The following CNTN5 variants were observed in gnomAD, a reference collection of about 807,000 sequenced individuals.
CNTN5 encodes contactin 5.
CNTN5 carries 77 observed loss-of-function variants against 129.1 expected under a neutral mutation model. The observed-to-expected ratio is 0.60, with a 90% CI of 0.50 to 0.72. The LOEUF (loss-of-function observed/expected upper bound fraction) is 0.72. CNTN5 is among the 30% of genes least tolerant of loss of function. The pLI, the probability that CNTN5 is intolerant of heterozygous loss-of-function variation, is 0.00. For synonymous variants in CNTN5, 509 were observed against 465.6 expected (o/e 1.09, Z -1.20); for missense variants, 1,478 against 1,328.8 (o/e 1.11, Z -1.75).
chr11:99,232,232 A>G (rs1016427318), intron 1 of CNTN5, among the ~76,000 whole-genome samples: 2 of 152,094 alleles, frequency 1.3e-5, no homozygotes, highest in Middle Eastern at 3.2e-3. Flanking sequence ...TCTATAAATT[A>G]TTTTGGGCTG....
chr11:99,546,190 A>G (rs1225979554), intron 2 of CNTN5, among the ~76,000 whole-genome samples: 1 of 152,102 alleles, frequency 6.6e-6, no homozygotes, highest in Admixed American at 6.6e-5. Context: ...CTGTCAATGG[A>G]AGCTTGATAA....
At chr11:99,873,498 A>G (rs1198607807) in intron 6 of CNTN5, among the ~76,000 whole-genome samples, 1 of 152,144 alleles carries the variant, frequency 6.6e-6, no homozygotes, top group African/African-American at 2.4e-5. Context: ...AATGCAAATT[A>G]AAACCACACT....
At chr11:99,220,922 A>C (rs1258311496) in intron 1 of CNTN5, among the ~76,000 whole-genome samples, 1 of 151,646 alleles carries the variant, frequency 6.6e-6, no homozygotes, top group Non-Finnish European at 1.5e-5. Flanking sequence ...TGGGTTGTCC[A>C]ATGCAGAAGC....
chr11:99,022,738 T>G (rs750622283), intron 1 of CNTN5, among the ~76,000 whole-genome samples: 2 of 152,098 alleles, frequency 1.3e-5, no homozygotes, highest in Non-Finnish European at 2.9e-5. Flanking sequence ...ATATAAAGAA[T>G]AGAATTTGAC....
intron 13 of CNTN5, among the ~76,000 whole-genome samples, chr11:100,125,590 T>C (rs1355082083): frequency 6.6e-6 from 1 of 152,234 alleles, no homozygotes; most frequent in East Asian, 1.9e-4. Flanking sequence ...GTTGATTCCA[T>C]GACTTCGCTA....
intron 1 of CNTN5, among the ~76,000 whole-genome samples, chr11:99,241,317 G>GTTTT (rs1565430527): frequency 1.0e-4 from 6 of 60,130 alleles, no homozygotes; most frequent in African/African-American, 3.3e-4. Context: ...TTTGATTGTT[G>GTTTT]GTTTTTTTTT....
At chr11:99,602,917 G>T (rs1228840349) in intron 3 of CNTN5, among the ~76,000 whole-genome samples, 2 of 104,634 alleles carry the variant, frequency 1.9e-5, no homozygotes, top group Non-Finnish European at 4.0e-5. Context: ...CTAACAACCA[G>T]AAAGGACATC....
chr11:100,079,032 C>T (rs888605321), intron 13 of CNTN5, among the ~76,000 whole-genome samples: 2 of 152,012 alleles, frequency 1.3e-5, no homozygotes, highest in African/African-American at 4.8e-5. Flanking sequence ...AGGAGAAGTG[C>T]CAAGGAAAGG....
intron 6 of CNTN5, among the ~76,000 whole-genome samples, chr11:99,904,502 T>C (rs1018873545): frequency 3.7e-4 from 56 of 152,266 alleles, no homozygotes; most frequent in African/African-American, 1.3e-3. Flanking sequence ...TAGTATTCCA[T>C]GGGGTATATG....
intron 9 of CNTN5, among the ~76,000 whole-genome samples, chr11:100,025,154 G>A (rs1352874129): frequency 6.6e-6 from 1 of 152,214 alleles, no homozygotes; most frequent in Non-Finnish European, 1.5e-5. Flanking sequence ...GCTGCTTTGT[G>A]CTGTCTTAGG....
intron 13 of CNTN5, among the ~76,000 whole-genome samples, chr11:100,120,910 C>T (rs1945997787): frequency 6.6e-6 from 1 of 151,702 alleles, no homozygotes; most frequent in African/African-American, 2.4e-5. Flanking sequence ...ATTCGATAGA[C>T]TATCATTCAG....
chr11:99,956,353 G>T (rs1167281004), intron 7 of CNTN5, among the ~76,000 whole-genome samples: 2 of 152,026 alleles, frequency 1.3e-5, no homozygotes, highest in Non-Finnish European at 2.9e-5. Flanking sequence ...CATGTAGTTT[G>T]CCTTTCTTTG....
At chr11:99,580,582 T>G (rs1471260832) in intron 3 of CNTN5, among the ~76,000 whole-genome samples, 1 of 152,234 alleles carries the variant, frequency 6.6e-6, no homozygotes, top group East Asian at 1.9e-4. Flanking sequence ...CCGAGGAATT[T>G]ATCCATTTCT....
At chr11:99,507,942 G>A (rs1303829978) in intron 2 of CNTN5, among the ~76,000 whole-genome samples, 1 of 152,142 alleles carries the variant, frequency 6.6e-6, no homozygotes, top group African/African-American at 2.4e-5. Context: ...TAACTCAAAT[G>A]TGTTTTTATG....
intron 2 of CNTN5, among the ~76,000 whole-genome samples, chr11:99,353,052 G>T (rs1013581871): frequency 6.6e-6 from 1 of 152,004 alleles, no homozygotes; most frequent in African/African-American, 2.4e-5. Flanking sequence ...CCTGCCACTT[G>T]CCCCTGCCAC....
At chr11:99,890,714 T>G (rs969839468) in intron 6 of CNTN5, among the ~76,000 whole-genome samples, 2 of 152,100 alleles carry the variant, frequency 1.3e-5, no homozygotes, top group African/African-American at 2.4e-5. Context: ...AAGTGTGGCA[T>G]GTACTTAGAG....
At position 99,641,536 on chromosome 11, in the gene CNTN5, A is replaced by C. The variant is rs1373893630; in HGVS notation, c.55+85267A>C. ...GTCCTGGAAGTTCACGGGTGGAGAA[A>C]TGGCAAGCCACCCCATCTTAGGAAG... On this transcript the variant is annotated intron_variant, in intron 3 of 24. Transcript: ENST00000524871. Among the ~76,000 whole-genome samples, 3 of 152,088 alleles carry C rather than the reference A, an allele frequency of 2.0e-5. No individual in the cohort carries two copies. The East Asian group carries it at 5.8e-4, about 29-fold the overall frequency.
intron 2 of CNTN5, among the ~76,000 whole-genome samples, chr11:99,473,512 C>A (rs766844060): frequency 2.4e-4 from 37 of 152,008 alleles, no homozygotes; most frequent in Admixed American, 5.2e-4. Context: ...TGTTTAAATT[C>A]TCTTCTATGG....
rs1949295850 is a variant in CNTN5 at position 100,222,980 on chromosome 11, G to A, written c.1885-1712G>A. Among the ~76,000 whole-genome samples, 4 of 127,222 alleles carry A rather than the reference G, an allele frequency of 3.1e-5. No individual in the cohort carries two copies. The South Asian group carries it at 1.1e-3, about 36-fold the overall frequency. 83.5% of individuals were successfully genotyped at this position (127,222 alleles called of 152,430 possible). On this transcript the variant is annotated intron_variant, in intron 15 of 24. Transcript: ENST00000524871. ...AAATTATTGTTTATTAACATTTAGA[G>A]TTTGCTTTTATTTCCCCATTTAAAA...
Sources: gnomAD v4.1 joint callset for allele counts (sites outside exome capture counted in the v4.1 genomes callset) on GRCh38, gnomAD v4.1.1 for gene constraint, MANE v1.5 for transcripts, NCBI Gene and HGNC (gene_info 2026-07-23, HGNC 2026-07-21) for gene names.